Variants in DZIP1L observed in about 807,000 individuals in gnomAD.
DZIP1L encodes the protein DAZ interacting zinc finger protein 1 like.
A neutral mutation model predicts 88.7 loss-of-function variants in DZIP1L; 90 were observed. That is an observed-to-expected ratio of 1.02 (90% CI 0.86 to 1.21). DZIP1L has a LOEUF of 1.21. Among genes scored for constraint, DZIP1L ranks in the 50% most tolerant of loss-of-function variants. The pLI, the probability that DZIP1L is intolerant of heterozygous loss-of-function variation, is 0.00. For synonymous variants in DZIP1L, 363 were observed against 372.1 expected (o/e 0.98, Z 0.28); for missense variants, 932 against 955.8 (o/e 0.98, Z 0.33).
chr3:138,082,063 G>A lies in DZIP1L; in HGVS notation c.1204-299C>T, dbSNP rs556569537. Reference sequence around the variant, plus strand: ...GCCCCATAGAAACAGAGTGGGACAGGCACACAGTTGTTCCTATTGGTATAA... The same window carrying A: ...GCCCCATAGAAACAGAGTGGGACAGACACACAGTTGTTCCTATTGGTATAA... On this transcript the variant is annotated intron_variant, in intron 8 of 15. Transcript: ENST00000327532. 3.1e-3 allele frequency among the ~76,000 whole-genome samples: 468 copies of A among 152,348 alleles called. 5 individuals are homozygous for A. The highest frequency in any genetic ancestry group is 5.0e-3 in the Non-Finnish European group (340 of 68,038).
At chr3:138,067,447 G>A in intron 14 of DZIP1L, 84 bp downstream of exon 14, 2 of 1,440,216 alleles carry the variant, frequency 1.4e-6, no homozygotes, top group Non-Finnish European at 9.3e-7. Context: ...AAGCTAAAGG[G>A]TGTTTCTGGA....
At chr3:138,107,536 G>A (rs2042530944) in intron 1 of DZIP1L, among the ~76,000 whole-genome samples, 1 of 152,184 alleles carries the variant, frequency 6.6e-6, no homozygotes, top group Non-Finnish European at 1.5e-5. Flanking sequence ...TGTTGCAACA[G>A]TACAAAATGG....
At chr3:138,105,495 A>G (rs907341810) in intron 1 of DZIP1L, among the ~76,000 whole-genome samples, 11 of 152,140 alleles carry the variant, frequency 7.2e-5, no homozygotes, top group African/African-American at 2.7e-4. Flanking sequence ...TTTGCATATA[A>G]CCTATACACA....
At chr3:138,064,545 C>G in intron 15 of DZIP1L, 83 bp downstream of exon 15, 1 of 1,613,330 alleles carries the variant, frequency 6.2e-7, no homozygotes, top group Non-Finnish European at 8.5e-7. Context: ...TGGGCCCTCC[C>G]CAACCTTCAC....
intron 11 of DZIP1L, among the ~76,000 whole-genome samples, chr3:138,076,505 C>A (rs535909315): frequency 3.3e-5 from 5 of 152,190 alleles, no homozygotes; most frequent in Non-Finnish European, 2.9e-5. Flanking sequence ...AATGTGGAAC[C>A]AGCCTAAATG....
chr3:138,066,457 T>C (rs901643887), intron 14 of DZIP1L, among the ~76,000 whole-genome samples: 1 of 152,112 alleles, frequency 6.6e-6, no homozygotes, highest in East Asian at 1.9e-4. Flanking sequence ...AGTAAATAAA[T>C]AAACAGTGAC....
chr3:138,079,885 G>A (rs141552680), intron 10 of DZIP1L, among the ~76,000 whole-genome samples: 1 of 152,236 alleles, frequency 6.6e-6, no homozygotes, highest in East Asian at 1.9e-4. Flanking sequence ...TCAAACAAAC[G>A]GGACCTGGTC....
At chr3:138,113,310 C>A (rs879672398) in intron 1 of DZIP1L, 3 of 152,092 alleles carry the variant, frequency 2.0e-5, no homozygotes, top group Non-Finnish European at 4.4e-5. Context: ...TCAAAAATAA[C>A]TCCCTCAAAA....
chr3:138,104,656 C>A (rs1286599859), intron 1 of DZIP1L, among the ~76,000 whole-genome samples: 1 of 152,194 alleles, frequency 6.6e-6, no homozygotes, highest in Non-Finnish European at 1.5e-5. Context: ...TGACTAAGTT[C>A]TCTCTCCTGG....
chr3:138,084,166 G>A lies in DZIP1L; in HGVS notation c.1150C>T (p.Leu384Phe), dbSNP rs1159594137. ...GCTTGTTCCTGCAGCTGGGCACGGAGGGTGCTGATCTGGCACTGGGACTGG... is the reference window on the plus strand; with the variant it reads ...GCTTGTTCCTGCAGCTGGGCACGGAAGGTGCTGATCTGGCACTGGGACTGG... ...AAQSQCQIST[L>F]RAQLQEQARI... The change falls in exon 8 of 16, where the codon CTC becomes TTC. Residue 384 changes from leucine to phenylalanine, a missense_variant. Physicochemically the swap from Leu to Phe is conservative, Grantham distance 22. Coordinates refer to ENST00000327532, the MANE Select transcript of DZIP1L (RefSeq NM_173543.3). 1.2e-6 allele frequency: 2 copies of A among 1,614,192 alleles called. No homozygotes were observed. The highest frequency in any genetic ancestry group is 1.7e-5 in the Admixed American group (1 of 60,026).
intron 12 of DZIP1L, among the ~76,000 whole-genome samples, chr3:138,069,374 CAGTAGGCTATG>C (rs1943067729): frequency 1.3e-5 from 2 of 152,196 alleles, no homozygotes; most frequent in Admixed American, 1.3e-4. Flanking sequence ...TTCTGGTCAA[CAGTAGGCTATG>C]AGTAGTTAAG....
intron 5 of DZIP1L, among the ~76,000 whole-genome samples, chr3:138,090,724 G>A (rs929648910): frequency 2.6e-5 from 4 of 152,070 alleles, no homozygotes; most frequent in African/African-American, 7.3e-5. Flanking sequence ...TAGGTAAAAC[G>A]TGGAATGACT....
chr3:138,084,007 T>A, intron 8 of DZIP1L, 106 bp downstream of exon 8: 1 of 1,461,170 alleles, frequency 6.8e-7, no homozygotes, highest in East Asian at 2.3e-5. Flanking sequence ...TTAAGGAGCC[T>A]GAGTGGTAAG....
At chr3:138,094,193 A>G (rs1195107744) in intron 4 of DZIP1L, among the ~76,000 whole-genome samples, 1 of 152,236 alleles carries the variant, frequency 6.6e-6, no homozygotes, top group Non-Finnish European at 1.5e-5. Flanking sequence ...ATATAATAAT[A>G]ATGAAAAAGT....
intron 1 of DZIP1L, among the ~76,000 whole-genome samples, chr3:138,110,731 C>T (rs1397490069): frequency 1.3e-5 from 2 of 152,214 alleles, no homozygotes; most frequent in African/African-American, 2.4e-5. Context: ...AAATAGTTCA[C>T]ATTTCTGGAA....
chr3:138,068,051 C>T (rs572529891), intron 13 of DZIP1L, 100 bp downstream of exon 13: 2 of 1,077,976 alleles, frequency 1.9e-6, no homozygotes, highest in African/African-American at 1.6e-5. Flanking sequence ...TGTCTGCCCC[C>T]CTCCTATCTG....
chr3:138,091,021 T>G (rs987026294), intron 5 of DZIP1L, among the ~76,000 whole-genome samples: 1 of 151,568 alleles, frequency 6.6e-6, no homozygotes, highest in Non-Finnish European at 1.5e-5. Context: ...GCAGCTGGGA[T>G]TATAGGCACC....
intron 1 of DZIP1L, among the ~76,000 whole-genome samples, chr3:138,104,757 T>C (rs1402272033): frequency 6.6e-6 from 1 of 151,940 alleles, no homozygotes; most frequent in Non-Finnish European, 1.5e-5. Context: ...ATCATGGGCT[T>C]TTTTTTAACT....
intron 1 of DZIP1L, among the ~76,000 whole-genome samples, chr3:138,107,861 G>A (rs1267064754): frequency 6.6e-6 from 1 of 152,040 alleles, no homozygotes; most frequent in Non-Finnish European, 1.5e-5. Context: ...CTCTCAGCCT[G>A]GTCTTGAGAC....
Sources: gnomAD v4.1 joint callset for allele counts (sites outside exome capture counted in the v4.1 genomes callset) on GRCh38, gnomAD v4.1.1 for gene constraint, MANE v1.5 for transcripts, NCBI Gene and HGNC (gene_info 2026-07-23, HGNC 2026-07-21) for gene names.